Variants in ZNF33A observed in about 807,000 individuals in gnomAD.
The protein encoded by ZNF33A is brain my041 protein.
Under a neutral mutation model 15.9 loss-of-function variants are expected in ZNF33A, and 9 were observed. The observed-to-expected ratio is 0.57, with a 90% confidence interval of 0.34 to 0.99. The LOEUF is 0.99. Among genes scored for constraint, ZNF33A ranks in the 50% least tolerant of loss-of-function variants. The pLI is 0.02. For missense variants in ZNF33A, 843 were observed against 941.6 expected, an observed-to-expected ratio of 0.90 and a Z score of 1.37; for synonymous variants, 294 against 324.2, an observed-to-expected ratio of 0.91 and a Z score of 1.00.
intron 4 of ZNF33A, among the ~76,000 whole-genome samples, chr10:38,051,593 A>G (rs781461387): frequency 6.6e-6 from 1 of 152,128 alleles, no homozygotes; most frequent in East Asian, 1.9e-4. Flanking sequence ...CAATCAAGAT[A>G]TCATATTAAA....
At chr10:38,031,233 A>G (rs533113429) in intron 4 of ZNF33A, among the ~76,000 whole-genome samples, 10 of 152,332 alleles carry the variant, frequency 6.6e-5, no homozygotes, top group Admixed American at 1.3e-4. Context: ...TGAGGGGTAC[A>G]TAGAATCTTC....
chr10:38,033,392 A>T (rs962079402), intron 4 of ZNF33A, among the ~76,000 whole-genome samples: 1 of 152,182 alleles, frequency 6.6e-6, no homozygotes, highest in African/African-American at 2.4e-5. Flanking sequence ...CTTCTTGACT[A>T]TTATGAATAA....
At chr10:38,064,246 G>A (rs1485442359), downstream of ZNF33A, 3 of 792,414 alleles carry the variant, frequency 3.8e-6, no homozygotes, top group East Asian at 2.7e-5. Context: ...TCCAACACTA[G>A]CATGCTGTGG....
intron 4 of ZNF33A, among the ~76,000 whole-genome samples, chr10:38,027,614 T>C (rs1342724681): frequency 6.6e-6 from 1 of 152,022 alleles, no homozygotes; most frequent in Non-Finnish European, 1.5e-5. Flanking sequence ...CCCAAACCTC[T>C]GGGATTACAG....
intron 4 of ZNF33A, among the ~76,000 whole-genome samples, chr10:38,037,319 T>A (rs2065495066): frequency 7.7e-6 from 1 of 130,438 alleles, no homozygotes; most frequent in South Asian, 2.7e-4. Context: ...CTTGAAAAGG[T>A]AATTTTTCTT....
chr10:38,023,365 A>G (rs576600117), intron 4 of ZNF33A, among the ~76,000 whole-genome samples: 13 of 152,244 alleles, frequency 8.5e-5, no homozygotes, highest in Non-Finnish European at 1.5e-4. Context: ...AAAATCTTTA[A>G]CAAAATACTA....
At chr10:38,036,471 G>A (rs1452945029) in intron 4 of ZNF33A, among the ~76,000 whole-genome samples, 5 of 151,746 alleles carry the variant, frequency 3.3e-5, no homozygotes, top group Admixed American at 6.6e-5. Context: ...TCTGTAACCC[G>A]CCACATCAAC....
Position 38,055,242 on chromosome 10 carries a change from C to A in ZNF33A, c.1118C>A (p.Thr373Asn). ...EKAFWDKSNL[T>N]KHQRSHTGEK... ...GCTTTCTGGGATAAGTCAAACCTCACTAAACATCAAAGATCACACACAGGG... is the reference window on the plus strand; with the variant it reads ...GCTTTCTGGGATAAGTCAAACCTCAATAAACATCAAAGATCACACACAGGG... The change falls in exon 5 of 5, where the codon ACT becomes AAT. Residue 373 changes from threonine (T) to asparagine (N), a missense_variant. Transcript: ENST00000432900. 6.2e-7 allele frequency: 1 copy of A among 1,614,132 alleles called. No individual in the cohort carries two copies. The highest frequency in any genetic ancestry group is 8.5e-7 in the Non-Finnish European group (1 of 1,179,986).
chr10:38,062,931 A>C (rs547149942), downstream of ZNF33A, among the ~76,000 whole-genome samples: 4 of 135,716 alleles, frequency 2.9e-5, 1 homozygote, highest in South Asian at 1.0e-3. Flanking sequence ...TGAACCCAGG[A>C]GGCGGAGCTT....
chr10:38,043,200 G>T (rs1376906597), intron 4 of ZNF33A, among the ~76,000 whole-genome samples: 1 of 151,742 alleles, frequency 6.6e-6, no homozygotes, highest in Non-Finnish European at 1.5e-5. Flanking sequence ...TAGGTGACAG[G>T]TTATTAAAAA....
intron 4 of ZNF33A, among the ~76,000 whole-genome samples, chr10:38,051,366 A>G (rs1440205514): frequency 6.6e-6 from 1 of 152,160 alleles, no homozygotes; most frequent in Admixed American, 6.5e-5. Context: ...AATTTAACCC[A>G]TATTGTCACA....
downstream of ZNF33A, among the ~76,000 whole-genome samples, chr10:38,065,943 C>T (rs1349893520): frequency 3.3e-5 from 5 of 152,066 alleles, no homozygotes; most frequent in East Asian, 3.9e-4. Context: ...ACTCCTGCCT[C>T]GGCCTCCAAA....
chr10:38,033,921 C>T (rs141038428), intron 4 of ZNF33A, among the ~76,000 whole-genome samples: 7,434 of 152,064 alleles, frequency 0.049, 229 homozygotes, highest in Middle Eastern at 0.082. Context: ...TCATCTTGGC[C>T]AGGCTGGACT....
At position 38,051,064 on chromosome 10, in the gene ZNF33A, AAT is replaced by A. The variant is rs561807388; in HGVS notation, c.251-3309_251-3308del. Among the ~76,000 whole-genome samples, 19 of 151,508 alleles carry A rather than the reference AAT, an allele frequency of 1.3e-4. No homozygotes were observed. In the East Asian group the frequency reaches 3.7e-3, roughly 29 times the overall value. On this transcript the variant is annotated intron_variant, in intron 4 of 4. Coordinates refer to ENST00000432900, the MANE Select transcript of ZNF33A (RefSeq NM_006954.2). ...TATTAACAAAGAAGTCAATTTTAAA[AAT>A]AGTTTTTTTTTTACATTTGAAAATA...
downstream of ZNF33A, among the ~76,000 whole-genome samples, chr10:38,065,453 G>A (rs1002783757): frequency 3.3e-5 from 5 of 152,178 alleles, no homozygotes; most frequent in Non-Finnish European, 5.9e-5. Context: ...AAAGACAAGC[G>A]ATACCTGTTG....
intron 4 of ZNF33A, among the ~76,000 whole-genome samples, chr10:38,042,017 A>G (rs559192994): frequency 1.3e-5 from 2 of 152,006 alleles, no homozygotes; most frequent in East Asian, 3.9e-4. Flanking sequence ...CCCTGTGTTC[A>G]TGTGTTGATG....
intron 4 of ZNF33A, among the ~76,000 whole-genome samples, chr10:38,038,681 T>C (rs1355328503): frequency 5.9e-5 from 9 of 152,204 alleles, no homozygotes; most frequent in Non-Finnish European, 1.2e-4. Flanking sequence ...AAAATCACTG[T>C]ACCTTTCATT....
At chr10:38,027,511 C>G (rs989632272) in intron 4 of ZNF33A, among the ~76,000 whole-genome samples, 2 of 151,740 alleles carry the variant, frequency 1.3e-5, no homozygotes, top group African/African-American at 4.8e-5. Context: ...ACCATGCCCA[C>G]TATGCCCAGC....
rs1215855337 is a variant in ZNF33A at position 38,056,053 on chromosome 10, A to G, written c.1929A>G (p.Gly643=). Residue 643 remains glycine, a synonymous_variant, in exon 5 of 5, where the codon GGA becomes GGG. Transcript: ENST00000432900. ...AACCCTATAAATGTAATGAGTGTGG[A>G]AAAGCTTTCTGCCATAAGTCAGCTC... ...GEKPYKCNEC[G]KAFCHKSALI... The G allele has an allele frequency of 1.2e-6, 2 of 1,614,134 alleles. No homozygotes were observed. Among genetic ancestry groups the G allele is most frequent in the Admixed American group, 3.3e-5 (2 of 60,030 alleles).
Sources: gnomAD v4.1 joint callset for allele counts (sites outside exome capture counted in the v4.1 genomes callset) on GRCh38, gnomAD v4.1.1 for gene constraint, MANE v1.5 for transcripts, NCBI Gene and HGNC (gene_info 2026-07-23, HGNC 2026-07-21) for gene names.